Variants in PRR16 observed in about 807,000 individuals in gnomAD.
The protein encoded by PRR16 is protein Largen.
PRR16 carries 6 observed loss-of-function variants against 18.2 expected under a neutral mutation model. The ratio of observed to expected loss-of-function variants is 0.33; its 90% CI spans 0.18 to 0.65. The LOEUF (loss-of-function observed/expected upper bound fraction) is 0.65, where lower values mean the gene tolerates loss of function less well. Among genes scored for constraint, PRR16 ranks in the 30% least tolerant of loss-of-function variants. The pLI, the probability that PRR16 is intolerant of heterozygous loss-of-function variation, is 0.74. For missense variants in PRR16, 412 were observed against 376.6 expected (o/e 1.09, Z -0.78); for synonymous variants, 151 against 147.8 (o/e 1.02, Z -0.16).
intron 1 of PRR16, among the ~76,000 whole-genome samples, chr5:120,580,277 A>G (rs1753224006): frequency 6.6e-6 from 1 of 152,030 alleles, no homozygotes; most frequent in Admixed American, 6.6e-5. Context: ...GTTGAATAGG[A>G]GTGGTGAGAG....
At chr5:120,789,161 AAATC>A in the PRR16 span, among the ~76,000 whole-genome samples, 2 of 152,188 alleles carry the variant, frequency 1.3e-5, no homozygotes, top group Admixed American at 1.3e-4. Context: ...GATAACTTAT[AAATC>A]AATTAATCAT....
chr5:120,596,103 G>A (rs1753804964), intron 1 of PRR16, among the ~76,000 whole-genome samples: 1 of 147,152 alleles, frequency 6.8e-6, no homozygotes, highest in African/African-American at 2.5e-5. Context: ...CCATTTATCT[G>A]TCTCATTCCA....
chr5:120,660,159 A>G (rs904515477), intron 1 of PRR16, among the ~76,000 whole-genome samples: 1 of 152,052 alleles, frequency 6.6e-6, no homozygotes, highest in Non-Finnish European at 1.5e-5. Flanking sequence ...CAAACCAAGA[A>G]TTTTATAGTA....
rs1561533137 is a variant in PRR16 at position 120,530,278 on chromosome 5, TA to T, written c.159+65634del. Among the ~76,000 whole-genome samples the T allele has an allele frequency of 6.9e-3, 734 of 106,048 alleles. 6 individuals are homozygous for T. The highest frequency in any genetic ancestry group is 0.026 in the Middle Eastern group (5 of 190). 69.6% of individuals were successfully genotyped at this position (106,048 alleles called of 152,430 possible). A position where few individuals can be genotyped will look rare whatever the true frequency, so the allele number is the denominator to read the frequency against. On this transcript the variant is annotated intron_variant, in intron 1 of 1. Transcript: ENST00000407149. Reference sequence around the variant, plus strand: ...AAATATATATATATATATATATATATATATATTTATTTATTTATTTATTTAT... The same window carrying T: ...AAATATATATATATATATATATATATTATATTTATTTATTTATTTATTTAT...
intron 1 of PRR16, among the ~76,000 whole-genome samples, chr5:120,529,221 A>T (rs1751466462): frequency 6.6e-6 from 1 of 152,184 alleles, no homozygotes; most frequent in Admixed American, 6.6e-5. Context: ...GGTTATAAAG[A>T]TAAATATGAC....
intron 1 of PRR16, among the ~76,000 whole-genome samples, chr5:120,490,281 A>T (rs1422553748): frequency 2.0e-5 from 3 of 152,116 alleles, no homozygotes; most frequent in Non-Finnish European, 4.4e-5. Flanking sequence ...CGTCACTTTC[A>T]TGTACCGCAA....
At chr5:120,494,971 C>T (rs1426468940) in intron 1 of PRR16, among the ~76,000 whole-genome samples, 1 of 152,090 alleles carries the variant, frequency 6.6e-6, no homozygotes, top group Non-Finnish European at 1.5e-5. Flanking sequence ...GCTGTTACCA[C>T]ATAGTGTTGA....
the PRR16 span, among the ~76,000 whole-genome samples, chr5:120,732,077 G>T: frequency 6.6e-6 from 1 of 152,124 alleles, no homozygotes; most frequent in East Asian, 1.9e-4. Flanking sequence ...AAACCAAAAA[G>T]ACATTGCACA....
chr5:120,505,600 G>A (rs199847215), intron 1 of PRR16, among the ~76,000 whole-genome samples: 2 of 152,118 alleles, frequency 1.3e-5, no homozygotes, highest in Non-Finnish European at 2.9e-5. Flanking sequence ...TGCATTTGGC[G>A]ACTGTACAAG....
chr5:120,587,283 T>C (rs539981618), intron 1 of PRR16, among the ~76,000 whole-genome samples: 12 of 152,308 alleles, frequency 7.9e-5, no homozygotes, highest in African/African-American at 2.6e-4. Context: ...TAGCAAGTTA[T>C]CCAGAAGACC....
chr5:120,668,446 C>T, intron 1 of PRR16, among the ~76,000 whole-genome samples: 1 of 150,606 alleles, frequency 6.6e-6, no homozygotes, highest in East Asian at 2.0e-4. Flanking sequence ...AGCATTTAGT[C>T]CATTTACATT....
chr5:120,533,622 G>GA (rs1751621283), intron 1 of PRR16, among the ~76,000 whole-genome samples: 1 of 152,120 alleles, frequency 6.6e-6, no homozygotes, highest in Admixed American at 6.6e-5. Context: ...AAACCACCAG[G>GA]GAAAAGTTTC....
At chr5:120,752,674 T>A in the PRR16 span, among the ~76,000 whole-genome samples, 1 of 151,966 alleles carries the variant, frequency 6.6e-6, no homozygotes, top group Non-Finnish European at 1.5e-5. Flanking sequence ...AAATATATTA[T>A]TTCTTTTATA....
chr5:120,794,197 T>A, the PRR16 span, among the ~76,000 whole-genome samples: 2 of 152,208 alleles, frequency 1.3e-5, no homozygotes, highest in East Asian at 3.9e-4. Flanking sequence ...TTTGAAACAA[T>A]AGGTTAAAAT....
chr5:120,493,825 A>G (rs1750150085), intron 1 of PRR16, among the ~76,000 whole-genome samples: 2 of 152,108 alleles, frequency 1.3e-5, no homozygotes, highest in Admixed American at 6.6e-5. Flanking sequence ...ACTGAACATA[A>G]TACTCTGGAG....
chr5:120,567,492 G>A (rs1561549625), intron 1 of PRR16, among the ~76,000 whole-genome samples: 1 of 152,080 alleles, frequency 6.6e-6, no homozygotes, highest in Admixed American at 6.6e-5. Flanking sequence ...TCTTCTGAGG[G>A]TCAGCCCTGT....
the PRR16 span, among the ~76,000 whole-genome samples, chr5:120,729,092 T>G: frequency 6.6e-6 from 1 of 152,246 alleles, no homozygotes; most frequent in South Asian, 2.1e-4. Flanking sequence ...GATTAAATCC[T>G]TTGAATTCTA....
At chr5:120,712,997 G>A in the PRR16 span, among the ~76,000 whole-genome samples, 6 of 152,112 alleles carry the variant, frequency 3.9e-5, no homozygotes, top group Admixed American at 3.3e-4. Context: ...TTAGTAACTT[G>A]AAGAGATATC....
chr5:120,464,493 G>A lies in PRR16; in HGVS notation c.7G>A (p.Ala3Thr), dbSNP rs1219139250. 2 of 1,588,204 alleles carry A rather than the reference G, an allele frequency of 1.3e-6. No individual in the cohort carries two copies. The highest frequency in any genetic ancestry group is 4.5e-5 in the East Asian group (2 of 44,438). Residue 3 changes from alanine (A) to threonine (T), a missense_variant, in exon 1 of 2, where the codon GCC becomes ACC. By Grantham distance (58) the Ala-to-Thr change is moderately conservative. Coordinates refer to ENST00000407149, the MANE Select transcript of PRR16 (RefSeq NM_001300783.2). The part of the protein sequence containing the change: MS[A>T]KSKGNPSSSC... ...CCTCGCTTGCCCCCAAAGAATGTCA[G>A]CCAAGTCCAAGGGGAACCCCTCCTC...
Sources: allele counts gnomAD v4.1 joint callset (sites outside exome capture counted in the v4.1 genomes callset), GRCh38; gene constraint gnomAD v4.1.1; transcripts MANE v1.5; gene names NCBI Gene and HGNC (gene_info 2026-07-23, HGNC 2026-07-21).